The following CTNNA1 variants were observed in gnomAD, a reference collection of about 807,000 sequenced individuals.
CTNNA1 encodes the protein catenin alpha 1, also known as catenin alpha-1.
CTNNA1 carries 37 observed loss-of-function variants against 98.4 expected under a neutral mutation model. The observed-to-expected ratio is 0.38, with a 90% CI of 0.29 to 0.49. The LOEUF is 0.49. Ranked by LOEUF, CTNNA1 falls within the 20% of genes least tolerant of loss-of-function variation. The pLI is 0.95. For missense variants in CTNNA1, 761 were observed against 1,147.2 expected, an observed-to-expected ratio of 0.66 and a Z score of 4.86; for synonymous variants, 404 against 413.2, an observed-to-expected ratio of 0.98 and a Z score of 0.27.
chr5:138,878,733 C>T (rs1191786899), intron 7 of CTNNA1, among the ~76,000 whole-genome samples: 2 of 152,114 alleles, frequency 1.3e-5, no homozygotes, highest in African/African-American at 4.8e-5. Context: ...ATTTCCTGTT[C>T]TTCTGTGGGA....
intron 9 of CTNNA1, among the ~76,000 whole-genome samples, chr5:138,894,177 C>T (rs563838798): frequency 6.6e-6 from 1 of 152,118 alleles, no homozygotes; most frequent in East Asian, 1.9e-4. Context: ...CCTCAGCCTC[C>T]CAAAGTGCTA....
Position 138,932,618 on chromosome 5 carries a change from T to C in CTNNA1, c.2339T>C (p.Leu780Pro). 1 of 1,614,116 alleles carries C rather than the reference T, an allele frequency of 6.2e-7. No homozygotes were observed. Among genetic ancestry groups the C allele is most frequent in the Non-Finnish European group, 8.5e-7 (1 of 1,180,008 alleles). ...TGCAAGCAGGACCTGCTGGCCTACCTGCAACGCATCGCCCTCTACTGCCAC... is the reference window on the plus strand; with the variant it reads ...TGCAAGCAGGACCTGCTGGCCTACCCGCAACGCATCGCCCTCTACTGCCAC... ...SACKQDLLAY[L>P]QRIALYCHQL... The change falls in exon 17 of 18, where the codon CTG becomes CCG. Residue 780 changes from leucine (L) to proline (P), a missense_variant. Coordinates refer to ENST00000302763, the MANE Select transcript of CTNNA1 (RefSeq NM_001903.5).
Position 138,901,527 on chromosome 5 carries a change from C to CT in CTNNA1, c.1297-2821dup, listed in dbSNP as rs921061593. On this transcript the variant is annotated intron_variant, in intron 9 of 17. Coordinates refer to ENST00000302763, the MANE Select transcript of CTNNA1 (RefSeq NM_001903.5). ...GCAGCCTCGACCTTCTGGGCTCAAG[C>CT]TATTCTCCCAACTCAGCCTTCCAAT... 4.4e-4 allele frequency among the ~76,000 whole-genome samples: 67 copies of CT among 152,254 alleles called. 1 individual carries two copies. The highest frequency in any genetic ancestry group is 1.5e-3 in the African/African-American group (61 of 41,532).
intron 11 of CTNNA1, among the ~76,000 whole-genome samples, chr5:138,922,694 C>T (rs553969223): frequency 2.0e-5 from 3 of 152,260 alleles, no homozygotes; most frequent in African/African-American, 7.2e-5. Flanking sequence ...AGTGGACTCG[C>T]ACCTCCCCCC....
intron 1 of CTNNA1, among the ~76,000 whole-genome samples, chr5:138,781,065 G>C (rs1755041318): frequency 6.6e-6 from 1 of 152,176 alleles, no homozygotes; most frequent in South Asian, 2.1e-4. Flanking sequence ...TTCTGGCTAT[G>C]AGTGATAATA....
intron 3 of CTNNA1, among the ~76,000 whole-genome samples, chr5:138,801,565 T>C (rs1488209788): frequency 2.0e-5 from 3 of 152,238 alleles, no homozygotes; most frequent in Non-Finnish European, 2.9e-5. Flanking sequence ...ACTTCGCTGC[T>C]AGCTTTTAAG....
intron 1 of CTNNA1, among the ~76,000 whole-genome samples, chr5:138,760,566 A>G (rs924156204): frequency 6.6e-6 from 1 of 151,874 alleles, no homozygotes; most frequent in Non-Finnish European, 1.5e-5. Flanking sequence ...GGGTTTCACC[A>G]TATTGGCCAG....
At chr5:138,805,087 A>T (rs1757950565) in intron 3 of CTNNA1, among the ~76,000 whole-genome samples, 1 of 152,108 alleles carries the variant, frequency 6.6e-6, no homozygotes, top group African/African-American at 2.4e-5. Flanking sequence ...GGTGTCACAC[A>T]CCTTTAAACA....
intron 1 of CTNNA1, among the ~76,000 whole-genome samples, chr5:138,774,488 A>T (rs539074550): frequency 1.3e-4 from 20 of 152,268 alleles, no homozygotes; most frequent in African/African-American, 4.8e-4. Flanking sequence ...GATTGCCTGG[A>T]GTTGATGAAC....
intron 7 of CTNNA1, among the ~76,000 whole-genome samples, chr5:138,850,965 C>T (rs1283485189): frequency 6.6e-6 from 1 of 152,170 alleles, no homozygotes; most frequent in Non-Finnish European, 1.5e-5. Context: ...GAATATTGAG[C>T]ATTACCTTAA....
At chr5:138,810,261 C>A in intron 4 of CTNNA1, 57 bp downstream of exon 4, 1 of 1,552,848 alleles carries the variant, frequency 6.4e-7, no homozygotes, top group Non-Finnish European at 8.9e-7. Flanking sequence ...TTGCTACTGG[C>A]CTTCCTTAGT....
intron 1 of CTNNA1, among the ~76,000 whole-genome samples, chr5:138,779,729 T>G (rs541140343): frequency 2.6e-4 from 39 of 151,786 alleles, no homozygotes; most frequent in Middle Eastern, 3.4e-3. Flanking sequence ...TTTTGTTTTT[T>G]TTTTGAGACA....
intron 1 of CTNNA1, among the ~76,000 whole-genome samples, chr5:138,775,781 G>C (rs1754062426): frequency 7.2e-6 from 1 of 139,758 alleles, no homozygotes. Context: ...GGAGTGCAGT[G>C]GCGCGATCTC....
At chr5:138,898,205 T>C (rs1009303102) in intron 9 of CTNNA1, among the ~76,000 whole-genome samples, 4 of 143,420 alleles carry the variant, frequency 2.8e-5, no homozygotes, top group Non-Finnish European at 6.0e-5. Flanking sequence ...GTGTGATATG[T>C]CTGCTCCCAC....
At chr5:138,912,590 G>C (rs897195507) in intron 10 of CTNNA1, among the ~76,000 whole-genome samples, 2 of 152,154 alleles carry the variant, frequency 1.3e-5, no homozygotes, top group Non-Finnish European at 2.9e-5. Flanking sequence ...TGCTTTCCCT[G>C]TATGATCAGA....
chr5:138,928,351 G>C (rs937305656), intron 13 of CTNNA1, among the ~76,000 whole-genome samples: 1 of 152,122 alleles, frequency 6.6e-6, no homozygotes, highest in African/African-American at 2.4e-5. Flanking sequence ...TCAGTCCCTT[G>C]GGTATTTACT....
At chr5:138,777,064 G>A (rs1397480339) in intron 1 of CTNNA1, among the ~76,000 whole-genome samples, 1 of 151,940 alleles carries the variant, frequency 6.6e-6, no homozygotes, top group South Asian at 2.1e-4. Flanking sequence ...TCCCAGACGG[G>A]GTGGCTGCCG....
chr5:138,780,281 T>C (rs1380088028), intron 1 of CTNNA1, among the ~76,000 whole-genome samples: 1 of 151,684 alleles, frequency 6.6e-6, no homozygotes, highest in African/African-American at 2.4e-5. Context: ...GCTCCGTCTC[T>C]GGGGTTCACG....
chr5:138,824,541 T>A lies in CTNNA1; in HGVS notation c.600T>A (p.Asp200Glu). ...ATTTACTCTTGTAGGAATTGAAAGA[T>A]GTTGGCCATCGTGATCAGATGGCTG... Reference protein sequence around the residue: ...MAAKRQQELKDVGHRDQMAAA... With the variant: ...MAAKRQQELKEVGHRDQMAAA... Residue 200 changes from aspartate (D) to glutamate (E), a missense_variant, in exon 6 of 18, where the codon GAT becomes GAA. Asp to Glu is a conservative substitution (Grantham distance 45). Coordinates refer to ENST00000302763, the MANE Select transcript of CTNNA1 (RefSeq NM_001903.5). The A allele has an allele frequency of 2.5e-6, 4 of 1,613,768 alleles. No individual in the cohort carries two copies. Among genetic ancestry groups the A allele is most frequent in the Non-Finnish European group, 3.4e-6 (4 of 1,179,640 alleles).
Sources: allele counts gnomAD v4.1 joint callset (sites outside exome capture counted in the v4.1 genomes callset), GRCh38; gene constraint gnomAD v4.1.1; transcripts MANE v1.5; gene names NCBI Gene and HGNC (gene_info 2026-07-23, HGNC 2026-07-21).